The following LRRTM4 variants were observed in gnomAD, a reference collection of about 807,000 sequenced individuals.
LRRTM4 encodes the protein leucine rich repeat transmembrane neuronal 4, also known as leucine-rich repeat transmembrane neuronal protein 4.
In LRRTM4, 25 loss-of-function variants were observed where a neutral mutation model predicts 47.6. The ratio of observed to expected loss-of-function variants is 0.53; its 90% CI spans 0.38 to 0.73. The LOEUF is 0.73. Among genes scored for constraint, LRRTM4 ranks in the 30% least tolerant of loss-of-function variants. The probability of loss-of-function intolerance (pLI) is 0.00; values close to 1 mark genes in which losing one functional copy is unlikely to be tolerated. For missense variants in LRRTM4, 638 were observed against 713.4 expected, an observed-to-expected ratio of 0.89 and a Z score of 1.20; for synonymous variants, 311 against 269.5, an observed-to-expected ratio of 1.15 and a Z score of -1.51.
chr2:77,151,836 T>A (rs13411850), intron 3 of LRRTM4, among the ~76,000 whole-genome samples: 2,241 of 152,214 alleles, frequency 0.015, 61 homozygotes, highest in African/African-American at 0.051. Flanking sequence ...AACATTTTTT[T>A]AAAAAAATAT....
intron 3 of LRRTM4, among the ~76,000 whole-genome samples, chr2:76,916,384 CAAAAAAA>C (rs57874749): frequency 3.7e-5 from 2 of 53,500 alleles, no homozygotes; most frequent in Non-Finnish European, 3.5e-5. Context: ...GACTGTGTCT[CAAAAAAA>C]AAAAAAAAAA....
intron 3 of LRRTM4, among the ~76,000 whole-genome samples, chr2:77,314,071 G>A (rs1214295360): frequency 6.6e-6 from 1 of 152,146 alleles, no homozygotes; most frequent in African/African-American, 2.4e-5. Flanking sequence ...GTAATTTTTA[G>A]AGGATGTCTA....
chr2:76,861,377 G>A (rs1314816842), intron 3 of LRRTM4, among the ~76,000 whole-genome samples: 1 of 151,820 alleles, frequency 6.6e-6, no homozygotes, highest in Non-Finnish European at 1.5e-5. Flanking sequence ...CAATTGATTT[G>A]ATTTTTTTTC....
intron 3 of LRRTM4, among the ~76,000 whole-genome samples, chr2:77,023,002 T>C (rs1399567271): frequency 1.3e-5 from 2 of 152,244 alleles, no homozygotes; most frequent in Non-Finnish European, 2.9e-5. Context: ...ATGAGAGCCC[T>C]GCTCCTGCAG....
In LRRTM4 at chr2:77,384,910, A is replaced by G. The variant is rs111641330; in HGVS notation, c.1551+133408T>C. On this transcript the variant is annotated intron_variant, in intron 3 of 3. Coordinates refer to ENST00000409884, the MANE Select transcript of LRRTM4 (RefSeq NM_001134745.3). Reference sequence around the variant, plus strand: ...CAAAGACAAATTTCATGTTATACAAATATGCTATAGCAAACCCACAAATAT... The same window carrying G: ...CAAAGACAAATTTCATGTTATACAAGTATGCTATAGCAAACCCACAAATAT... Among the ~76,000 whole-genome samples, 257 of 152,234 alleles carry G rather than the reference A, an allele frequency of 1.7e-3. 1 individual carries two copies. Among genetic ancestry groups the G allele is most frequent in the Non-Finnish European group, 1.5e-3 (100 of 67,994 alleles).
At chr2:77,405,041 T>G (rs1674128994) in intron 3 of LRRTM4, among the ~76,000 whole-genome samples, 1 of 152,066 alleles carries the variant, frequency 6.6e-6, no homozygotes, top group Admixed American at 6.6e-5. Context: ...ATTTATAAAC[T>G]TATTAAACAA....
At chr2:77,163,977 A>G (rs996405085) in intron 3 of LRRTM4, among the ~76,000 whole-genome samples, 2 of 152,152 alleles carry the variant, frequency 1.3e-5, no homozygotes, top group Admixed American at 6.6e-5. Flanking sequence ...CTTAAATGTA[A>G]ATGGGCTAAA....
intron 3 of LRRTM4, among the ~76,000 whole-genome samples, chr2:76,883,727 GA>G (rs1672994314): frequency 6.6e-6 from 1 of 152,170 alleles, no homozygotes; most frequent in East Asian, 1.9e-4. Context: ...AAATTTTGCT[GA>G]AAAAAACTTC....
chr2:77,059,951 C>A (rs570438349), intron 3 of LRRTM4, among the ~76,000 whole-genome samples: 5 of 152,240 alleles, frequency 3.3e-5, no homozygotes, highest in Non-Finnish European at 7.4e-5. Context: ...AAACAATGTT[C>A]TTTGTTTTTT....
intron 3 of LRRTM4, among the ~76,000 whole-genome samples, chr2:76,884,202 T>G (rs555728322): frequency 6.6e-6 from 1 of 151,858 alleles, no homozygotes; most frequent in East Asian, 1.9e-4. Context: ...CTCATTGAAT[T>G]TTCACAAAAT....
At chr2:76,971,913 A>T (rs905397200) in intron 3 of LRRTM4, among the ~76,000 whole-genome samples, 3 of 152,096 alleles carry the variant, frequency 2.0e-5, no homozygotes, top group Admixed American at 6.6e-5. Context: ...GCTTCTCTAT[A>T]AAATGAGGAC....
intron 3 of LRRTM4, among the ~76,000 whole-genome samples, chr2:77,116,530 T>A (rs531644234): frequency 6.6e-6 from 1 of 152,240 alleles, no homozygotes; most frequent in East Asian, 1.9e-4. Flanking sequence ...TATTTTAGAT[T>A]TCTCATTTTC....
chr2:77,380,312 A>G (rs1354153288), intron 3 of LRRTM4, among the ~76,000 whole-genome samples: 3 of 152,188 alleles, frequency 2.0e-5, no homozygotes, highest in Non-Finnish European at 2.9e-5. Context: ...GCTAACAGTC[A>G]GTAAAACATC....
chr2:77,057,436 C>CACA (rs575132498), intron 3 of LRRTM4, among the ~76,000 whole-genome samples: 125 of 152,228 alleles, frequency 8.2e-4, no homozygotes, highest in Non-Finnish European at 1.4e-3. Flanking sequence ...TATCATTGGC[C>CACA]ACAAGAAGAC....
At chr2:77,433,002 T>A (rs1269004209) in intron 3 of LRRTM4, among the ~76,000 whole-genome samples, 1 of 152,202 alleles carries the variant, frequency 6.6e-6, no homozygotes. Context: ...GAAAAGATGA[T>A]AGCTGAGTGA....
At chr2:77,281,613 G>C (rs1676507767) in intron 3 of LRRTM4, among the ~76,000 whole-genome samples, 1 of 151,638 alleles carries the variant, frequency 6.6e-6, no homozygotes, top group African/African-American at 2.4e-5. Context: ...TGGTAATAAG[G>C]CAATTTGCAG....
intron 3 of LRRTM4, among the ~76,000 whole-genome samples, chr2:76,795,922 G>C (rs1176391966): frequency 6.6e-6 from 1 of 151,734 alleles, no homozygotes; most frequent in East Asian, 2.0e-4. Flanking sequence ...ATCTCATTGG[G>C]AGTGCCAGAC....
chr2:77,464,674 C>T (rs544740290), intron 3 of LRRTM4, among the ~76,000 whole-genome samples: 10 of 152,046 alleles, frequency 6.6e-5, no homozygotes, highest in African/African-American at 1.7e-4. Context: ...TCAGAACTCT[C>T]GTGGTGAGGT....
At chr2:76,770,116 C>G (rs1268870466) in intron 3 of LRRTM4, among the ~76,000 whole-genome samples, 1 of 151,952 alleles carries the variant, frequency 6.6e-6, no homozygotes, top group African/African-American at 2.4e-5. Flanking sequence ...TGACTAGTTA[C>G]CAAATAAAAG....
Sources: allele counts gnomAD v4.1 joint callset (sites outside exome capture counted in the v4.1 genomes callset), GRCh38; gene constraint gnomAD v4.1.1; transcripts MANE v1.5; gene names NCBI Gene and HGNC (gene_info 2026-07-23, HGNC 2026-07-21).